The following RASAL2 variants were observed in gnomAD, a reference collection of about 807,000 sequenced individuals.
RASAL2 encodes the protein ras GTPase-activating protein nGAP.
A neutral mutation model predicts 128.9 loss-of-function variants in RASAL2; 58 were observed. The observed-to-expected ratio is 0.45, with a 90% CI of 0.36 to 0.56. The LOEUF (loss-of-function observed/expected upper bound fraction) is 0.56. Ranked by LOEUF, RASAL2 falls within the 20% of genes least tolerant of loss-of-function variation. The pLI, the probability that RASAL2 is intolerant of heterozygous loss-of-function variation, is 0.00. For synonymous variants in RASAL2, 561 were observed against 580.8 expected, an observed-to-expected ratio of 0.97 and a Z score of 0.49; for missense variants, 1,360 against 1,601.6, an observed-to-expected ratio of 0.85 and a Z score of 2.57.
intron 1 of RASAL2, among the ~76,000 whole-genome samples, chr1:178,110,650 A>ATATATATATATATATG (rs68137228): frequency 0.012 from 1,688 of 139,116 alleles, 22 homozygotes; most frequent in Middle Eastern, 0.019. Context: ...ATATATATAT[A>ATATATATATATATATG]TATGTATGTA....
chr1:178,203,318 T>A (rs1022995859), intron 1 of RASAL2, among the ~76,000 whole-genome samples: 2 of 152,230 alleles, frequency 1.3e-5, no homozygotes, highest in Non-Finnish European at 2.9e-5. Flanking sequence ...CTCATCATCC[T>A]GAAGCAGCTG....
chr1:178,116,867 C>T (rs1308078527), intron 1 of RASAL2, among the ~76,000 whole-genome samples: 1 of 152,182 alleles, frequency 6.6e-6, no homozygotes, highest in Non-Finnish European at 1.5e-5. Flanking sequence ...GCCTCCGCCT[C>T]CCAAAGTGCT....
At chr1:178,245,325 C>G (rs1664721577) in intron 1 of RASAL2, among the ~76,000 whole-genome samples, 2 of 152,194 alleles carry the variant, frequency 1.3e-5, no homozygotes, top group African/African-American at 4.8e-5. Flanking sequence ...CTCTAATGAC[C>G]AGTGATGATG....
chr1:178,257,863 G>C (rs983189253), intron 1 of RASAL2, among the ~76,000 whole-genome samples: 1 of 118,970 alleles, frequency 8.4e-6, no homozygotes, highest in South Asian at 2.9e-4. Context: ...AAAAAAAAAA[G>C]AATTGATACA....
intron 17 of RASAL2, among the ~76,000 whole-genome samples, chr1:178,469,963 A>G (rs922502362): frequency 9.9e-5 from 15 of 152,254 alleles, no homozygotes; most frequent in Admixed American, 9.8e-4. Flanking sequence ...CCTAAACACT[A>G]TAGTTAAATT....
chr1:178,181,718 T>G (rs1057148669), intron 1 of RASAL2, among the ~76,000 whole-genome samples: 1 of 152,134 alleles, frequency 6.6e-6, no homozygotes, highest in Non-Finnish European at 1.5e-5. Context: ...TTTTATGACC[T>G]TGACAGTTTT....
At chr1:178,429,276 T>C (rs1328916251) in intron 5 of RASAL2, among the ~76,000 whole-genome samples, 1 of 152,144 alleles carries the variant, frequency 6.6e-6, no homozygotes, top group South Asian at 2.1e-4. Flanking sequence ...GCATCAATGC[T>C]CTTGCTCTGC....
At chr1:178,414,606 G>C (rs956364511) in intron 4 of RASAL2, among the ~76,000 whole-genome samples, 3 of 152,130 alleles carry the variant, frequency 2.0e-5, no homozygotes, top group African/African-American at 7.2e-5. Context: ...GTTTTGCTGT[G>C]AATCTAGAAC....
At chr1:178,109,016 AT>A (rs1659200134) in intron 1 of RASAL2, among the ~76,000 whole-genome samples, 1 of 152,186 alleles carries the variant, frequency 6.6e-6, no homozygotes, top group Admixed American at 6.6e-5. Context: ...TTCTATGCCT[AT>A]TACTTATGTT....
chr1:178,125,714 ATTTGT>A (rs1326153458), intron 1 of RASAL2, among the ~76,000 whole-genome samples: 1 of 151,836 alleles, frequency 6.6e-6, no homozygotes, highest in Non-Finnish European at 1.5e-5. Flanking sequence ...CAGGTGAATA[ATTTGT>A]TTAGTTAGTT....
chr1:178,255,891 C>T (rs191229152), intron 1 of RASAL2, among the ~76,000 whole-genome samples: 5 of 152,146 alleles, frequency 3.3e-5, no homozygotes, highest in South Asian at 2.1e-4. Flanking sequence ...CAATCAAAAG[C>T]GCTTGTGAGA....
At position 178,477,488 on chromosome 1, in the gene RASAL2, A is replaced by G. The variant is rs1179118525; in HGVS notation, c.*4249A>G. The G allele has an allele frequency of 6.6e-6, 1 of 152,252 alleles. No homozygotes were observed. Among genetic ancestry groups the G allele is most frequent in the Admixed American group, 6.5e-5 (1 of 15,290 alleles). The allele number at this position is 152,252 out of a possible 1,614,324, so 9.4% of individuals were successfully genotyped here. A position where few individuals can be genotyped will look rare whatever the true frequency, so the allele number is the denominator to read the frequency against. ...GAAATTTGCATGAGATAGAATAAAT[A>G]TCTTAGGAGGAGTGAAAGAACCTGA... On this transcript the variant is annotated 3_prime_UTR_variant, in exon 18 of 18. Transcript: ENST00000367649.
At chr1:178,275,797 T>A (rs1666481033) in intron 1 of RASAL2, among the ~76,000 whole-genome samples, 1 of 152,226 alleles carries the variant, frequency 6.6e-6, no homozygotes, top group South Asian at 2.1e-4. Context: ...ATCTCTTTCC[T>A]GCTCTCTCCT....
At chr1:178,345,499 G>C (rs963119079) in intron 3 of RASAL2, among the ~76,000 whole-genome samples, 1 of 152,114 alleles carries the variant, frequency 6.6e-6, no homozygotes, top group Non-Finnish European at 1.5e-5. Flanking sequence ...CAGCACTGTT[G>C]TGTAACTATT....
At chr1:178,359,943 A>G (rs889382893) in intron 3 of RASAL2, among the ~76,000 whole-genome samples, 3 of 152,118 alleles carry the variant, frequency 2.0e-5, no homozygotes, top group Non-Finnish European at 4.4e-5. Context: ...CTCACAGATT[A>G]TATAAGCTTC....
chr1:178,208,056 T>A (rs1034000209), intron 1 of RASAL2, among the ~76,000 whole-genome samples: 2 of 152,228 alleles, frequency 1.3e-5, no homozygotes, highest in Admixed American at 6.5e-5. Context: ...GTTATCTTCA[T>A]AAGCTGAGGA....
rs148029889 is a variant in RASAL2, at chr1:178,275,393, A to G, written c.203-8171A>G. The stretch of plus-strand genomic sequence containing the variant: ...TATTTAAGAAGTGGAAGAAAACTAT[A>G]TGATCTGCTTTGTTTGCATTTCACG... On this transcript the variant is annotated intron_variant, in intron 1 of 17. Coordinates refer to ENST00000367649, the MANE Select transcript of RASAL2 (RefSeq NM_170692.4). 1.1e-4 allele frequency among the ~76,000 whole-genome samples: 16 copies of G among 152,346 alleles called. No individual in the cohort carries two copies. In the East Asian group the frequency reaches 3.1e-3, roughly 29 times the overall value.
intron 3 of RASAL2, among the ~76,000 whole-genome samples, chr1:178,358,237 T>TA (rs71567191): frequency 0.087 from 3,019 of 34,572 alleles, 382 homozygotes; most frequent in Non-Finnish European, 0.12. Flanking sequence ...CTCTGTCTCC[T>TA]AAAAAAAAAA....
chr1:178,467,150 G>A lies in RASAL2; in HGVS notation c.3591-184G>A, dbSNP rs113771694. Among the ~76,000 whole-genome samples, 900 of 152,310 alleles carry A rather than the reference G, an allele frequency of 5.9e-3. 5 individuals carry two copies. Among genetic ancestry groups the A allele is most frequent in the African/African-American group, 0.019 (808 of 41,566 alleles). Reference sequence around the variant, plus strand: ...ACTATTCCAAGGGAGATGAAAATGTGTGGGATCCAGGCACAAGGAGAAAAA... The same window carrying A: ...ACTATTCCAAGGGAGATGAAAATGTATGGGATCCAGGCACAAGGAGAAAAA... On this transcript the variant is annotated intron_variant, in intron 16 of 17. Coordinates refer to ENST00000367649, the MANE Select transcript of RASAL2 (RefSeq NM_170692.4).
Sources: allele counts gnomAD v4.1 joint callset (sites outside exome capture counted in the v4.1 genomes callset), GRCh38; gene constraint gnomAD v4.1.1; transcripts MANE v1.5; gene names NCBI Gene and HGNC (gene_info 2026-07-23, HGNC 2026-07-21).